Variants in MYO16 observed in about 807,000 individuals in gnomAD.
The protein encoded by MYO16 is unconventional myosin-XVI.
MYO16 carries 94 observed loss-of-function variants against 205.3 expected under a neutral mutation model. The ratio of observed to expected loss-of-function variants is 0.46; its 90% CI spans 0.39 to 0.54. MYO16 has a LOEUF of 0.54. MYO16 is among the 20% of genes least tolerant of loss of function. The pLI is 0.00. For missense variants in MYO16, 2,315 were observed against 2,387.5 expected (o/e 0.97, Z 0.63); for synonymous variants, 988 against 954.0 (o/e 1.04, Z -0.66).
At chr13:109,054,985 C>T (rs1490450450) in intron 25 of MYO16, 61 bp from the exon 26 acceptor site, 9 of 1,105,300 alleles carry the variant, frequency 8.1e-6, no homozygotes, top group Non-Finnish European at 1.2e-5. Context: ...TTTCCTCCTT[C>T]TTCCTTTCCT....
At chr13:108,578,671 C>A in the MYO16 span, among the ~76,000 whole-genome samples, 1 of 152,162 alleles carries the variant, frequency 6.6e-6, no homozygotes, top group Non-Finnish European at 1.5e-5. Context: ...AACCTGGCAT[C>A]CTGGTGCCCA....
At chr13:108,997,078 G>A (rs1885025518) in intron 21 of MYO16, among the ~76,000 whole-genome samples, 1 of 152,046 alleles carries the variant, frequency 6.6e-6, no homozygotes, top group African/African-American at 2.4e-5. Flanking sequence ...ATCACTTGAG[G>A]CCAGGAGTTT....
chr13:109,081,658 A>C (rs576786142), intron 27 of MYO16, among the ~76,000 whole-genome samples: 1 of 152,176 alleles, frequency 6.6e-6, no homozygotes, highest in Non-Finnish European at 1.5e-5. Flanking sequence ...GCGTAAGGGT[A>C]GTTGAGTTTA....
intron 6 of MYO16, among the ~76,000 whole-genome samples, chr13:108,804,550 A>G (rs970924055): frequency 1.3e-5 from 2 of 152,068 alleles, no homozygotes; most frequent in South Asian, 2.1e-4. Flanking sequence ...TAGGTCTAAC[A>G]TGTTCTTAGT....
chr13:108,800,004 T>G (rs1282376575), intron 6 of MYO16, among the ~76,000 whole-genome samples: 1 of 152,168 alleles, frequency 6.6e-6, no homozygotes, highest in Non-Finnish European at 1.5e-5. Context: ...GGGGGTGTTT[T>G]GGATCCCACC....
chr13:108,848,002 C>T (rs1270398812), intron 10 of MYO16, among the ~76,000 whole-genome samples: 2 of 152,184 alleles, frequency 1.3e-5, no homozygotes, highest in East Asian at 1.9e-4. Flanking sequence ...AGAGAGAGAG[C>T]GGGAAAGAGG....
chr13:109,106,794 T>A (rs1889133810), intron 28 of MYO16, among the ~76,000 whole-genome samples: 1 of 152,194 alleles, frequency 6.6e-6, no homozygotes, highest in Non-Finnish European at 1.5e-5. Flanking sequence ...CCAGTGGTAC[T>A]TTTCACTGAT....
chr13:108,522,854 C>T, the MYO16 span, among the ~76,000 whole-genome samples: 50 of 152,168 alleles, frequency 3.3e-4, no homozygotes, highest in South Asian at 5.6e-3. Context: ...CTCTCATAAC[C>T]TCATCTTAAT....
chr13:108,566,733 GGGAGGA>G, the MYO16 span, among the ~76,000 whole-genome samples: 57 of 122,618 alleles, frequency 4.6e-4, no homozygotes, highest in East Asian at 3.3e-3. Flanking sequence ...AAGGAAGGAA[GGGAGGA>G]AGGAAGGAAG....
chr13:108,758,347 T>A (rs1885490201), intron 4 of MYO16, among the ~76,000 whole-genome samples: 1 of 152,238 alleles, frequency 6.6e-6, no homozygotes, highest in Admixed American at 6.5e-5. Context: ...TGTGTGGATT[T>A]GCCCGAGGTA....
intron 1 of MYO16, among the ~76,000 whole-genome samples, chr13:108,652,540 G>C (rs1268885518): frequency 2.6e-5 from 4 of 152,142 alleles, no homozygotes; most frequent in African/African-American, 9.7e-5. Flanking sequence ...CTGAAGCTCT[G>C]TACCCATTCA....
chr13:108,635,436 T>C (rs9587636), intron 1 of MYO16, among the ~76,000 whole-genome samples: 19,632 of 152,146 alleles, frequency 0.13, 1,733 homozygotes, highest in South Asian at 0.25. Flanking sequence ...ATCAATTTCA[T>C]GTAAACCTTT....
chr13:108,662,572 G>A (rs1177233039), intron 1 of MYO16, among the ~76,000 whole-genome samples: 4 of 152,050 alleles, frequency 2.6e-5, no homozygotes, highest in South Asian at 2.1e-4. Flanking sequence ...GGGGAAAGCC[G>A]GCAGTCACGG....
intron 23 of MYO16, among the ~76,000 whole-genome samples, chr13:109,045,949 G>A (rs1010475754): frequency 1.3e-5 from 2 of 151,710 alleles, no homozygotes; most frequent in East Asian, 1.9e-4. Flanking sequence ...TTATACTCCC[G>A]CATGGCCGAG....
rs141813176 is a variant in MYO16, at chr13:108,614,449, T to C, written c.-39+18210T>C. On this transcript the variant is annotated intron_variant, in intron 1 of 24. Transcript: ENST00000251041. ...ATCCCTATTAAAACTATAGCTGGAC[T>C]TTTTGCAGAAATTGACAATCTGACC... 9.0e-3 allele frequency among the ~76,000 whole-genome samples: 1,368 copies of C among 152,156 alleles called. 19 individuals are homozygous for C. Among genetic ancestry groups the C allele is most frequent in the African/African-American group, 0.031 (1,282 of 41,558 alleles).
Position 108,714,145 on chromosome 13 carries a change from C to T in MYO16, c.363+1414C>T, listed in dbSNP as rs552368591. The stretch of plus-strand genomic sequence containing the variant: ...AATCTCGGCTCACTGCAAGCTCCGT[C>T]TCCTGGTTCACGCCATTCTCCTGCC... On this transcript the variant is annotated intron_variant, in intron 3 of 34. Transcript: ENST00000457511. Among the ~76,000 whole-genome samples, 16 of 152,258 alleles carry T rather than the reference C, an allele frequency of 1.1e-4. No individual in the cohort carries two copies. The South Asian group carries it at 2.9e-3, about 28-fold the overall frequency.
chr13:109,198,167 T>C (rs1026795943), intron 34 of MYO16, among the ~76,000 whole-genome samples: 1 of 145,262 alleles, frequency 6.9e-6, no homozygotes, highest in Non-Finnish European at 1.5e-5. Context: ...TACTCATAAA[T>C]AAAATACAAA....
rs1179159394 is a variant in MYO16, at chr13:108,629,850, T to C, written c.6T>C (p.Ser2=). Residue 2 remains serine (S), a synonymous_variant, in exon 1 of 35, where the codon TCT becomes TCC. Coordinates refer to ENST00000457511, the MANE Select transcript of MYO16 (RefSeq NM_001198950.3). The stretch of plus-strand genomic sequence containing the variant: ...TTCCTGTCTGAGATGGAAAGATGTC[T>C]CACTATCATTTTATCAAGTGCTGTA... M[S]HYHFIKCCCF... 6.5e-7 allele frequency: 1 copy of C among 1,529,344 alleles called. No homozygotes were observed. Among genetic ancestry groups the C allele is most frequent in the Non-Finnish European group, 8.8e-7 (1 of 1,141,322 alleles). 94.7% of individuals were successfully genotyped at this position (1,529,344 alleles called of 1,614,324 possible).
chr13:108,573,848 C>CTTGT, the MYO16 span, among the ~76,000 whole-genome samples: 1 of 152,050 alleles, frequency 6.6e-6, no homozygotes, highest in African/African-American at 2.4e-5. Flanking sequence ...GGTTGGATTT[C>CTTGT]TTGTTTATTT....
Sources: allele counts gnomAD v4.1 joint callset (sites outside exome capture counted in the v4.1 genomes callset), GRCh38; gene constraint gnomAD v4.1.1; transcripts MANE v1.5; gene names NCBI Gene and HGNC (gene_info 2026-07-23, HGNC 2026-07-21).